Variants in NUDT3 observed in about 807,000 individuals in gnomAD.
NUDT3 encodes the protein nudix hydrolase 3.
Under a neutral mutation model 23.6 loss-of-function variants are expected in NUDT3, and 9 were observed. The observed-to-expected ratio is 0.38, with a 90% CI of 0.23 to 0.66. NUDT3 has a LOEUF of 0.66. Ranked by LOEUF, NUDT3 falls within the 30% of genes least tolerant of loss-of-function variation. The pLI is 0.52. For synonymous variants in NUDT3, 86 were observed against 82.6 expected (o/e 1.04, Z -0.22); for missense variants, 172 against 218.5 (o/e 0.79, Z 1.34).
At chr6:34,305,221 A>G (rs1221387303) in intron 2 of NUDT3, among the ~76,000 whole-genome samples, 1 of 151,858 alleles carries the variant, frequency 6.6e-6, no homozygotes, top group Non-Finnish European at 1.5e-5. Flanking sequence ...ACTTCAAGTG[A>G]TCCACTCGCC....
At chr6:34,325,384 A>G (rs541230798) in intron 2 of NUDT3, among the ~76,000 whole-genome samples, 1 of 152,178 alleles carries the variant, frequency 6.6e-6, no homozygotes, top group East Asian at 1.9e-4. Flanking sequence ...CCTTTTTAAA[A>G]ACTTTTTGTA....
At chr6:34,313,268 TG>T (rs1763803465) in intron 2 of NUDT3, among the ~76,000 whole-genome samples, 1 of 152,192 alleles carries the variant, frequency 6.6e-6, no homozygotes, top group Non-Finnish European at 1.5e-5. Flanking sequence ...GGCTACATAC[TG>T]TATATTCCAA....
At chr6:34,288,983 GC>G in intron 4 of NUDT3, 52 bp from the exon 5 acceptor site, 1 of 1,505,182 alleles carries the variant, frequency 6.6e-7, no homozygotes, top group Non-Finnish European at 8.8e-7. Context: ...AGGTTTCTGA[GC>G]CTAGAACTTT....
chr6:34,358,292 C>CACACA (rs1561917553), intron 1 of NUDT3, among the ~76,000 whole-genome samples: 6 of 149,946 alleles, frequency 4.0e-5, no homozygotes, highest in South Asian at 2.1e-4. Flanking sequence ...CACACACACA[C>CACACA]CCCTTATAAT....
chr6:34,296,935 C>CTTT (rs566118949), intron 2 of NUDT3, among the ~76,000 whole-genome samples: 10,309 of 134,554 alleles, frequency 0.077, 549 homozygotes, highest in Non-Finnish European at 0.12. Flanking sequence ...GTGGTTAGAC[C>CTTT]TTTTTTTTTT....
intron 1 of NUDT3, among the ~76,000 whole-genome samples, chr6:34,381,188 T>A (rs1027978581): frequency 7.2e-5 from 11 of 152,036 alleles, no homozygotes; most frequent in Non-Finnish European, 1.5e-4. Context: ...GGCTAATTTT[T>A]AAATTTTTTT....
At chr6:34,338,147 C>T (rs1764236022) in intron 2 of NUDT3, among the ~76,000 whole-genome samples, 1 of 152,208 alleles carries the variant, frequency 6.6e-6, no homozygotes, top group South Asian at 2.1e-4. Flanking sequence ...CCACATTATC[C>T]CAGGTCTGAC....
intron 1 of NUDT3, among the ~76,000 whole-genome samples, chr6:34,375,118 G>A (rs145728455): frequency 1.1e-3 from 168 of 152,254 alleles, no homozygotes; most frequent in African/African-American, 3.7e-3. Flanking sequence ...CGAGGTAGGC[G>A]GATCACCCGA....
chr6:34,373,143 G>A (rs1040996217), intron 1 of NUDT3, among the ~76,000 whole-genome samples: 4 of 151,602 alleles, frequency 2.6e-5, no homozygotes, highest in Non-Finnish European at 5.9e-5. Context: ...GCCGGGCATG[G>A]TGGCAGGCGC....
intron 2 of NUDT3, among the ~76,000 whole-genome samples, chr6:34,329,468 A>G (rs1248115290): frequency 6.6e-6 from 1 of 151,914 alleles, no homozygotes; most frequent in Non-Finnish European, 1.5e-5. Flanking sequence ...TTTAGTAGAG[A>G]TGGGGTTTCA....
At chr6:34,327,397 G>C (rs1223955249) in intron 2 of NUDT3, among the ~76,000 whole-genome samples, 1 of 151,966 alleles carries the variant, frequency 6.6e-6, no homozygotes, top group East Asian at 1.9e-4. Flanking sequence ...GGGCATGGTA[G>C]TGCGCACCTG....
chr6:34,334,289 A>G (rs1417295180), intron 2 of NUDT3, among the ~76,000 whole-genome samples: 1 of 152,196 alleles, frequency 6.6e-6, no homozygotes, highest in Non-Finnish European at 1.5e-5. Flanking sequence ...CAATAATTGT[A>G]GCACTCTATT....
intron 1 of NUDT3, among the ~76,000 whole-genome samples, chr6:34,342,289 C>CAAAAAAAAAAAAAAAAAAAA (rs200954440): frequency 7.5e-5 from 5 of 66,494 alleles, no homozygotes; most frequent in African/African-American, 1.8e-4. Context: ...TAGAAGACTT[C>CAAAAAAAAAAAAAAAAAAAA]AAAAAAAAAA....
intron 2 of NUDT3, among the ~76,000 whole-genome samples, chr6:34,334,426 G>C (rs1271348346): frequency 6.6e-6 from 1 of 150,822 alleles, no homozygotes; most frequent in Non-Finnish European, 1.5e-5. Context: ...ATCACCTGAG[G>C]TGAGGAGTTA....
At chr6:34,333,241 C>T (rs145404177) in intron 2 of NUDT3, among the ~76,000 whole-genome samples, 1,966 of 152,282 alleles carry the variant, frequency 0.013, 31 homozygotes, top group African/African-American at 0.039. Flanking sequence ...GTGTCAAATG[C>T]TTCAGATTTA....
chr6:34,319,572 C>A (rs1763909633), intron 2 of NUDT3, among the ~76,000 whole-genome samples: 1 of 152,192 alleles, frequency 6.6e-6, no homozygotes, highest in Non-Finnish European at 1.5e-5. Flanking sequence ...TACCCAGAAG[C>A]TCCCTGAACT....
intron 1 of NUDT3, among the ~76,000 whole-genome samples, chr6:34,370,625 C>T (rs542109093): frequency 6.6e-6 from 1 of 152,292 alleles, no homozygotes; most frequent in Non-Finnish European, 1.5e-5. Context: ...CTTCCTTCCT[C>T]GGACAGAACT....
intron 2 of NUDT3, among the ~76,000 whole-genome samples, chr6:34,312,332 G>A (rs867881470): frequency 6.6e-6 from 1 of 151,546 alleles, no homozygotes; most frequent in Non-Finnish European, 1.5e-5. Context: ...AACCTGGGAG[G>A]TGGAGGTTGC....
At chr6:34,326,614 T>C (rs1195421148) in intron 2 of NUDT3, among the ~76,000 whole-genome samples, 1 of 152,148 alleles carries the variant, frequency 6.6e-6, no homozygotes, top group African/African-American at 2.4e-5. Flanking sequence ...TTTTTTCTTT[T>C]TTTTGACACG....
Sources: gnomAD v4.1 joint callset for allele counts (sites outside exome capture counted in the v4.1 genomes callset) on GRCh38, gnomAD v4.1.1 for gene constraint, MANE v1.5 for transcripts, NCBI Gene and HGNC (gene_info 2026-07-23, HGNC 2026-07-21) for gene names.